Variants in CFAP53 observed in about 807,000 individuals in gnomAD.
The protein encoded by CFAP53 is cilia and flagella associated protein 53, also known as cilia- and flagella-associated protein 53.
Under a neutral mutation model 59.7 loss-of-function variants are expected in CFAP53, and 62 were observed. That is an observed-to-expected ratio of 1.04 (90% confidence interval 0.85 to 1.28). CFAP53 has a LOEUF of 1.28. CFAP53 is among the 50% of genes most tolerant of loss of function. The pLI, the probability that CFAP53 is intolerant of heterozygous loss-of-function variation, is 0.00. For missense variants in CFAP53, 629 were observed against 615.6 expected (o/e 1.02, Z -0.23); for synonymous variants, 218 against 205.7 (o/e 1.06, Z -0.51).
At chr18:50,257,623 A>T (rs1454504618) in intron 3 of CFAP53, among the ~76,000 whole-genome samples, 4 of 152,258 alleles carry the variant, frequency 2.6e-5, no homozygotes, top group Admixed American at 6.5e-5. Context: ...ACATCAAAAA[A>T]TTGAAACATA....
At chr18:50,245,805 G>T (rs1056796965) in intron 5 of CFAP53, among the ~76,000 whole-genome samples, 1 of 152,016 alleles carries the variant, frequency 6.6e-6, no homozygotes, top group African/African-American at 2.4e-5. Context: ...AGCCAGAATA[G>T]CCAAAACAAT....
In CFAP53 at chr18:50,242,925, T is replaced by G. The variant is rs963612923; in HGVS notation, c.1188A>C (p.Thr396=). Residue 396 remains threonine (T), a synonymous_variant, in exon 6 of 8, where the codon ACA becomes ACC. Coordinates refer to ENST00000398545, the MANE Select transcript of CFAP53 (RefSeq NM_145020.5). ...ACTTTTCTTGAACTTGAAGTTTTCT[T>G]GTACACATGACCTCATCCACAAGCT... ...RRQLVDEVMC[T]RKLQVQEKLQ... The G allele has an allele frequency of 6.2e-7, 1 of 1,613,714 alleles. No homozygotes were observed. The highest frequency in any genetic ancestry group is 8.5e-7 in the Non-Finnish European group (1 of 1,179,992).
At chr18:50,231,292 T>C (rs780094128) in intron 7 of CFAP53, among the ~76,000 whole-genome samples, 1 of 152,244 alleles carries the variant, frequency 6.6e-6, no homozygotes, top group Non-Finnish European at 1.5e-5. Context: ...CTAATAAATC[T>C]GCCTTTCTTT....
chr18:50,257,177 G>A (rs2033853887), intron 3 of CFAP53, among the ~76,000 whole-genome samples: 1 of 152,026 alleles, frequency 6.6e-6, no homozygotes, highest in African/African-American at 2.4e-5. Flanking sequence ...GGTCATTCAT[G>A]TGATCATCAC....
Position 50,227,368 on chromosome 18 carries a change from G to T in CFAP53, c.*13C>A. 1 of 1,595,840 alleles carries T rather than the reference G, an allele frequency of 6.3e-7. No homozygotes were observed. Among genetic ancestry groups the T allele is most frequent in the Non-Finnish European group, 8.6e-7 (1 of 1,163,902 alleles). Reference sequence around the variant, plus strand: ...TTAAAAGACCAAGAAAAGATATATTGATGCTCACGGAACTACGGTGGAAGC... The same window carrying T: ...TTAAAAGACCAAGAAAAGATATATTTATGCTCACGGAACTACGGTGGAAGC... On this transcript the variant is annotated 3_prime_UTR_variant, in exon 8 of 8. Coordinates refer to ENST00000398545, the MANE Select transcript of CFAP53 (RefSeq NM_145020.5).
chr18:50,253,885 C>T (rs1001009552), intron 3 of CFAP53, among the ~76,000 whole-genome samples: 3 of 152,056 alleles, frequency 2.0e-5, no homozygotes, highest in Non-Finnish European at 2.9e-5. Context: ...CTAGGGTATT[C>T]GTTAATAAAA....
At chr18:50,233,228 T>C (rs1446145176) in intron 7 of CFAP53, among the ~76,000 whole-genome samples, 1 of 152,098 alleles carries the variant, frequency 6.6e-6, no homozygotes, top group African/African-American at 2.4e-5. Context: ...GAAAAAAAGG[T>C]AAAAGAGGTT....
In CFAP53 at chr18:50,254,429, C is replaced by T. The variant is rs553039001; in HGVS notation, c.474-2645G>A. On this transcript the variant is annotated intron_variant, in intron 3 of 7. Coordinates refer to ENST00000398545, the MANE Select transcript of CFAP53 (RefSeq NM_145020.5). ...AAGCCCATGATGAGATATCACAGCA[C>T]GCCTATTAGAACAGCTAAAAATAAA... Among the ~76,000 whole-genome samples the T allele has an allele frequency of 5.9e-5, 9 of 152,176 alleles. No homozygotes were observed. The South Asian group carries it at 6.2e-4, about 11-fold the overall frequency.
At chr18:50,258,455 A>G (rs2033863955) in intron 3 of CFAP53, among the ~76,000 whole-genome samples, 1 of 152,226 alleles carries the variant, frequency 6.6e-6, no homozygotes, top group African/African-American at 2.4e-5. Context: ...AATCAAATCA[A>G]AATAGATCCA....
In CFAP53 at chr18:50,227,448, G is replaced by A. The variant is rs745942420; in HGVS notation, c.1478C>T (p.Thr493Ile). The A allele has an allele frequency of 2.5e-6, 4 of 1,614,066 alleles. No individual in the cohort carries two copies. The highest frequency in any genetic ancestry group is 2.7e-5 in the African/African-American group (2 of 74,924). Residue 493 changes from threonine (T) to isoleucine (I), a missense_variant, in exon 8 of 8, where the codon ACC becomes ATC. By Grantham distance (89) the Thr-to-Ile change is moderately conservative. Coordinates refer to ENST00000398545, the MANE Select transcript of CFAP53 (RefSeq NM_145020.5). ...AATGTTTTGAGGCAGCACTTGATGG[G>A]TGGACAGGACCTCCTGGACCTTGTC... ...CLDKVQEVLS[T>I]HQVLPQNIHP...
At chr18:50,235,250 C>T (rs1819111098) in intron 7 of CFAP53, among the ~76,000 whole-genome samples, 3 of 152,192 alleles carry the variant, frequency 2.0e-5, no homozygotes, top group Non-Finnish European at 2.9e-5. Context: ...CTATGGGTTG[C>T]CCTACTTCTC....
chr18:50,234,437 T>C (rs2033611323), intron 7 of CFAP53, among the ~76,000 whole-genome samples: 1 of 152,190 alleles, frequency 6.6e-6, no homozygotes, highest in African/African-American at 2.4e-5. Context: ...CCCTTATGCA[T>C]GAATGACTAC....
chr18:50,227,247 G>A lies in CFAP53; in HGVS notation c.*134C>T. ...ATAGGCACAGGTTTATTCAAAGGAA[G>A]AAAATTATGTTCAATTAATTACACA... On this transcript the variant is annotated 3_prime_UTR_variant, in exon 8 of 8. Coordinates refer to ENST00000398545, the MANE Select transcript of CFAP53 (RefSeq NM_145020.5). The A allele has an allele frequency of 1.4e-6, 1 of 693,902 alleles. No homozygotes were observed. Among genetic ancestry groups the A allele is most frequent in the Non-Finnish European group, 2.4e-6 (1 of 420,448 alleles). 43.0% of individuals were successfully genotyped at this position (693,902 alleles called of 1,614,324 possible).
chr18:50,238,700 G>C lies in CFAP53; in HGVS notation c.1219C>G (p.Arg407Gly). The C allele has an allele frequency of 6.2e-7, 1 of 1,607,982 alleles. No homozygotes were observed. The highest frequency in any genetic ancestry group is 1.1e-5 in the South Asian group (1 of 90,228). Residue 407 changes from arginine (R) to glycine (G), a missense_variant, in exon 7 of 8, where the codon CGA (arginine) becomes GGA (glycine). Coordinates refer to ENST00000398545, the MANE Select transcript of CFAP53 (RefSeq NM_145020.5). ...RKLQVQEKLQ[R>G]EAKEQEERAM... Reference sequence around the variant, plus strand: ...CGTTCTTCCTGTTCTTTAGCTTCTCGTTGCACTAAGAAAAGCAAAAGTAAT... The same window carrying C: ...CGTTCTTCCTGTTCTTTAGCTTCTCCTTGCACTAAGAAAAGCAAAAGTAAT...
In CFAP53 at chr18:50,251,807, A is replaced by T. The variant is rs2033804204; in HGVS notation, c.474-23T>A. The T allele has an allele frequency of 2.5e-6, 4 of 1,603,776 alleles. No individual in the cohort carries two copies. The East Asian group carries it at 8.9e-5, about 36-fold the overall frequency. On this transcript the variant is annotated intron_variant, in intron 3 of 7. Transcript: ENST00000398545. ...TCCCTGAAAGGAAAATTTTAAAAAG[A>T]CAAAACCCAGCCTTTCGTGAGGCAC...
chr18:50,255,408 G>GA (rs1304181631), intron 3 of CFAP53, among the ~76,000 whole-genome samples: 2 of 152,064 alleles, frequency 1.3e-5, no homozygotes, highest in East Asian at 3.8e-4. Context: ...AAATGGCACA[G>GA]AACTCTACAC....
At chr18:50,233,395 C>T (rs534824524) in intron 7 of CFAP53, among the ~76,000 whole-genome samples, 10 of 152,292 alleles carry the variant, frequency 6.6e-5, no homozygotes, top group East Asian at 1.9e-4. Context: ...ACTTAAGCAG[C>T]GTCACCCTCT....
At chr18:50,242,399 G>T (rs2033698876) in intron 6 of CFAP53, among the ~76,000 whole-genome samples, 1 of 152,176 alleles carries the variant, frequency 6.6e-6, no homozygotes, top group Non-Finnish European at 1.5e-5. Flanking sequence ...CACAATTTAT[G>T]TTCAGAGATT....
chr18:50,251,135 G>A (rs929125006), intron 4 of CFAP53, among the ~76,000 whole-genome samples, 159 bp from the exon 5 acceptor site: 2 of 152,218 alleles, frequency 1.3e-5, no homozygotes, highest in African/African-American at 4.8e-5. Context: ...TCGTAGCTGA[G>A]TCAGCAATAA....
Sources: allele counts gnomAD v4.1 joint callset (sites outside exome capture counted in the v4.1 genomes callset), GRCh38; gene constraint gnomAD v4.1.1; transcripts MANE v1.5; gene names NCBI Gene and HGNC (gene_info 2026-07-23, HGNC 2026-07-21).